The following PTPRM variants were observed in gnomAD, a reference collection of about 807,000 sequenced individuals.
PTPRM encodes protein tyrosine phosphatase receptor type M.
PTPRM carries 47 observed loss-of-function variants against 186.7 expected under a neutral mutation model. That is an observed-to-expected ratio of 0.25 (90% CI 0.20 to 0.32). The LOEUF (loss-of-function observed/expected upper bound fraction) is 0.32, where lower values mean the gene tolerates loss of function less well. PTPRM is among the 10% of genes least tolerant of loss of function. The probability of loss-of-function intolerance (pLI) is 1.00; values close to 1 mark genes in which losing one functional copy is unlikely to be tolerated. For synonymous variants in PTPRM, 668 were observed against 674.9 expected, an observed-to-expected ratio of 0.99 and a Z score of 0.16; for missense variants, 1,494 against 1,865.0, an observed-to-expected ratio of 0.80 and a Z score of 3.66.
At chr18:7,808,664 A>G (rs1598820932) in intron 2 of PTPRM, among the ~76,000 whole-genome samples, 1 of 152,332 alleles carries the variant, frequency 6.6e-6, no homozygotes, top group East Asian at 1.9e-4. Context: ...ACTGAGGTTG[A>G]ACTGTTGAAG....
intron 19 of PTPRM, among the ~76,000 whole-genome samples, chr18:8,271,030 A>G (rs1354167689): frequency 6.6e-6 from 1 of 152,130 alleles, no homozygotes; most frequent in Non-Finnish European, 1.5e-5. Flanking sequence ...AAAGTAACTA[A>G]ATTAGGTTAT....
intron 9 of PTPRM, among the ~76,000 whole-genome samples, chr18:8,082,664 A>T (rs913647530): frequency 3.3e-5 from 5 of 151,384 alleles, no homozygotes; most frequent in Admixed American, 3.3e-4. Flanking sequence ...ACCTACATTC[A>T]TTAGGGAGTG....
chr18:8,384,724 C>T (rs1465480291), intron 30 of PTPRM, 38 bp downstream of exon 30: 1 of 1,609,796 alleles, frequency 6.2e-7, no homozygotes, highest in Non-Finnish European at 8.5e-7. Context: ...ATTATGGTTT[C>T]ATTTATTTTC....
At chr18:8,296,873 G>A (rs1258321544) in intron 20 of PTPRM, among the ~76,000 whole-genome samples, 1 of 152,092 alleles carries the variant, frequency 6.6e-6, no homozygotes, top group African/African-American at 2.4e-5. Context: ...GGGTTAGGTA[G>A]GTCAGTAATA....
At position 8,054,298 on chromosome 18, in the gene PTPRM, A is replaced by ATATATATATATATATATATATAT. The variant is rs1555710874; in HGVS notation, c.1133-15388_1133-15387insTATATATATATATATATATATAT. Among the ~76,000 whole-genome samples the ATATATATATATATATATATATAT allele has an allele frequency of 9.6e-4, 126 of 131,668 alleles. 7 individuals carry two copies. The highest frequency in any genetic ancestry group is 3.8e-3 in the African/African-American group (116 of 30,770). 86.4% of individuals were successfully genotyped at this position (131,668 alleles called of 152,430 possible). ...AGTAGTAATATATACTAGTAGTAGT[A>ATATATATATATATATATATATAT]ATATATATATATATATATATATATT... On this transcript the variant is annotated intron_variant, in intron 7 of 32. Transcript: ENST00000580170.
rs138461362 is a variant in PTPRM at position 8,018,848 on chromosome 18, G to A, written c.1133-50838G>A. Among the ~76,000 whole-genome samples, 1,288 of 152,186 alleles carry A rather than the reference G, an allele frequency of 8.5e-3. 8 individuals are homozygous for A. Among genetic ancestry groups the A allele is most frequent in the South Asian group, 0.036 (171 of 4,816 alleles). On this transcript the variant is annotated intron_variant, in intron 7 of 32. Transcript: ENST00000580170. ...GTAGCATGGCCTTGTGTGTTTTGCC[G>A]TATCACAAAAAGCAAGATTTAGTGA...
At chr18:8,031,573 A>C (rs1470996163) in intron 7 of PTPRM, among the ~76,000 whole-genome samples, 2 of 152,204 alleles carry the variant, frequency 1.3e-5, no homozygotes, top group Non-Finnish European at 2.9e-5. Flanking sequence ...AAGTGAATGA[A>C]TTACAGAAAG....
intron 7 of PTPRM, among the ~76,000 whole-genome samples, chr18:7,994,934 T>A (rs1807689456): frequency 6.6e-6 from 1 of 151,284 alleles, no homozygotes. Context: ...ACAAACCAAA[T>A]AAAAAATTAG....
chr18:8,180,499 A>G (rs1293167620), intron 14 of PTPRM, among the ~76,000 whole-genome samples: 8 of 152,198 alleles, frequency 5.3e-5, no homozygotes, highest in Admixed American at 1.3e-4. Flanking sequence ...AGTCAAGTGC[A>G]TGTTTTGACC....
At chr18:7,766,381 A>G (rs1329473568) in intron 1 of PTPRM, among the ~76,000 whole-genome samples, 3 of 152,224 alleles carry the variant, frequency 2.0e-5, no homozygotes, top group Non-Finnish European at 4.4e-5. Context: ...ATAAAGGAAT[A>G]GTGGATGTAT....
intron 20 of PTPRM, among the ~76,000 whole-genome samples, chr18:8,313,321 G>C (rs1214132825): frequency 6.6e-6 from 1 of 152,192 alleles, no homozygotes; most frequent in Non-Finnish European, 1.5e-5. Flanking sequence ...GCTTTTATCT[G>C]TTCTGAATAC....
At chr18:7,766,908 G>T (rs957922917) in intron 1 of PTPRM, among the ~76,000 whole-genome samples, 8 of 152,168 alleles carry the variant, frequency 5.3e-5, no homozygotes, top group African/African-American at 1.9e-4. Flanking sequence ...TTAAAATTAG[G>T]TAATACATGT....
At chr18:8,048,445 C>T (rs1025414098) in intron 7 of PTPRM, among the ~76,000 whole-genome samples, 11 of 151,780 alleles carry the variant, frequency 7.2e-5, no homozygotes, top group African/African-American at 2.7e-4. Flanking sequence ...GTGCTGAGAA[C>T]ACACTCTTCT....
At chr18:8,279,945 G>T (rs763418101) in intron 19 of PTPRM, among the ~76,000 whole-genome samples, 1 of 152,174 alleles carries the variant, frequency 6.6e-6, no homozygotes, top group Non-Finnish European at 1.5e-5. Flanking sequence ...CAGACACTTG[G>T]AAAGAAAATC....
chr18:8,375,968 C>G (rs879827103), intron 24 of PTPRM, 78 bp from the exon 25 acceptor site: 131 of 1,450,514 alleles, frequency 9.0e-5, no homozygotes, highest in Non-Finnish European at 1.2e-4. Context: ...ACTGTTTCCA[C>G]TCCCCCAGCT....
chr18:8,246,555 A>G (rs1281486815), intron 15 of PTPRM, among the ~76,000 whole-genome samples: 4 of 152,316 alleles, frequency 2.6e-5, no homozygotes, highest in East Asian at 1.9e-4. Flanking sequence ...TGCTGTGCAC[A>G]TCTTTACCAA....
At chr18:7,927,105 T>G (rs1049375098) in intron 5 of PTPRM, among the ~76,000 whole-genome samples, 1 of 152,186 alleles carries the variant, frequency 6.6e-6, no homozygotes, top group Non-Finnish European at 1.5e-5. Flanking sequence ...AAGCTTAAAC[T>G]TAGAAATTAA....
At chr18:8,363,968 G>A (rs779364923) in intron 23 of PTPRM, among the ~76,000 whole-genome samples, 3 of 152,172 alleles carry the variant, frequency 2.0e-5, no homozygotes, top group Non-Finnish European at 2.9e-5. Context: ...AGATGCAATT[G>A]GAAAACAGAC....
chr18:7,938,237 A>G (rs1401456205), intron 5 of PTPRM, among the ~76,000 whole-genome samples: 1 of 152,196 alleles, frequency 6.6e-6, no homozygotes, highest in Non-Finnish European at 1.5e-5. Context: ...CAAATTCAAA[A>G]CTGTAGGGAT....
Sources: allele counts gnomAD v4.1 joint callset (sites outside exome capture counted in the v4.1 genomes callset), GRCh38; gene constraint gnomAD v4.1.1; transcripts MANE v1.5; gene names NCBI Gene and HGNC (gene_info 2026-07-23, HGNC 2026-07-21).